Variants in CCSER1 observed in about 807,000 individuals in gnomAD.
CCSER1 encodes the protein serine-rich coiled-coil domain-containing protein 1.
CCSER1 carries 41 observed loss-of-function variants against 82.0 expected under a neutral mutation model. That is an observed-to-expected ratio of 0.50 (90% CI 0.39 to 0.65). The LOEUF (loss-of-function observed/expected upper bound fraction) is 0.65. CCSER1 is among the 30% of genes least tolerant of loss of function. The pLI, the probability that CCSER1 is intolerant of heterozygous loss-of-function variation, is 0.00. For missense variants in CCSER1, 1,119 were observed against 1,064.2 expected, an observed-to-expected ratio of 1.05 and a Z score of -0.72; for synonymous variants, 414 against 383.9, an observed-to-expected ratio of 1.08 and a Z score of -0.92.
At chr4:91,411,817 T>C (rs1314573356) in intron 10 of CCSER1, among the ~76,000 whole-genome samples, 1 of 150,938 alleles carries the variant, frequency 6.6e-6, no homozygotes, top group Non-Finnish European at 1.5e-5. Flanking sequence ...CCTCTGGTGT[T>C]ATGCCTATAA....
At chr4:90,974,342 A>T (rs1342370927) in intron 9 of CCSER1, among the ~76,000 whole-genome samples, 1 of 145,414 alleles carries the variant, frequency 6.9e-6, no homozygotes, top group Non-Finnish European at 1.5e-5. Context: ...TTGTATACAT[A>T]TCTCAAAACA....
intron 1 of CCSER1, among the ~76,000 whole-genome samples, chr4:90,251,800 T>G (rs1425936694): frequency 6.6e-6 from 1 of 151,880 alleles, no homozygotes; most frequent in Non-Finnish European, 1.5e-5. Flanking sequence ...TTCATAGTAT[T>G]CCTTTTAATT....
At chr4:90,162,130 A>G (rs1000534000) in intron 1 of CCSER1, among the ~76,000 whole-genome samples, 3 of 152,076 alleles carry the variant, frequency 2.0e-5, no homozygotes, top group African/African-American at 7.2e-5. Flanking sequence ...AGTATGAACC[A>G]GTTTCTCTCA....
chr4:90,974,028 A>T (rs904284417), intron 9 of CCSER1, among the ~76,000 whole-genome samples: 17 of 151,666 alleles, frequency 1.1e-4, no homozygotes, highest in Non-Finnish European at 2.2e-4. Context: ...ATAAAAGCAG[A>T]AAGTAGAATG....
chr4:90,853,888 A>G (rs1007045642), intron 8 of CCSER1, among the ~76,000 whole-genome samples: 3 of 152,144 alleles, frequency 2.0e-5, no homozygotes, highest in Non-Finnish European at 2.9e-5. Flanking sequence ...GTGTAACAAT[A>G]AACCATGGGA....
chr4:90,720,622 A>G (rs918973801), intron 6 of CCSER1, among the ~76,000 whole-genome samples: 3 of 152,068 alleles, frequency 2.0e-5, no homozygotes, highest in African/African-American at 4.8e-5. Context: ...CCTAAATTTT[A>G]TATTGTTAGA....
intron 5 of CCSER1, among the ~76,000 whole-genome samples, chr4:90,548,954 T>C (rs905773814): frequency 2.0e-5 from 3 of 152,036 alleles, no homozygotes; most frequent in African/African-American, 7.2e-5. Context: ...GTTGGTTTGT[T>C]CTGGAAACCA....
chr4:90,528,514 C>CAGTTTTAGA (rs1311039820), intron 5 of CCSER1, among the ~76,000 whole-genome samples: 1 of 152,194 alleles, frequency 6.6e-6, no homozygotes, highest in Non-Finnish European at 1.5e-5. Flanking sequence ...TTTAGCAATG[C>CAGTTTTAGA]AGTTTTAGAA....
At chr4:90,171,618 C>G (rs1731688172) in intron 1 of CCSER1, among the ~76,000 whole-genome samples, 1 of 151,862 alleles carries the variant, frequency 6.6e-6, no homozygotes, top group South Asian at 2.1e-4. Flanking sequence ...CCCTTGAAGT[C>G]AGTTATAATT....
At chr4:91,101,154 G>A (rs532715002) in intron 10 of CCSER1, among the ~76,000 whole-genome samples, 3 of 152,248 alleles carry the variant, frequency 2.0e-5, no homozygotes, top group South Asian at 2.1e-4. Context: ...ACATAGACAC[G>A]CACATGCATA....
At chr4:90,715,025 T>C (rs1741364979) in intron 6 of CCSER1, among the ~76,000 whole-genome samples, 1 of 151,990 alleles carries the variant, frequency 6.6e-6, no homozygotes, top group Non-Finnish European at 1.5e-5. Context: ...ATATTTACCA[T>C]AACTTGATGT....
At chr4:90,744,755 C>T (rs1174130361) in intron 7 of CCSER1, among the ~76,000 whole-genome samples, 3 of 151,980 alleles carry the variant, frequency 2.0e-5, no homozygotes, top group East Asian at 1.9e-4. Context: ...GTGAACTGCA[C>T]GTACAAGGGA....
In CCSER1 at chr4:90,896,235, C is replaced by T. The variant is rs576071569; in HGVS notation, c.2095-27135C>T. 7.2e-5 allele frequency among the ~76,000 whole-genome samples: 11 copies of T among 152,010 alleles called. No individual in the cohort carries two copies. In the South Asian group the frequency reaches 1.2e-3, roughly 17 times the overall value. ...GCACGAAGAAAAAATTAGAAGATGA[C>T]GAAGTTTGTTTATTCTATGCTGATA... is the stretch of plus-strand genomic sequence containing the variant. On this transcript the variant is annotated intron_variant, in intron 8 of 10. Transcript: ENST00000509176.
chr4:91,261,449 A>T (rs947344920), intron 10 of CCSER1, among the ~76,000 whole-genome samples: 1 of 152,196 alleles, frequency 6.6e-6, no homozygotes, highest in South Asian at 2.1e-4. Context: ...TAACTAGACT[A>T]GTTGTCAATA....
intron 10 of CCSER1, among the ~76,000 whole-genome samples, chr4:91,325,460 G>C (rs768406391): frequency 2.0e-5 from 3 of 152,148 alleles, no homozygotes; most frequent in Non-Finnish European, 2.9e-5. Context: ...ACAATCAAGA[G>C]AAGGAAGGGA....
chr4:90,189,005 T>A (rs546097575), intron 1 of CCSER1, among the ~76,000 whole-genome samples: 1 of 151,912 alleles, frequency 6.6e-6, no homozygotes, highest in African/African-American at 2.4e-5. Context: ...GTAGTTTCTT[T>A]ATATTTTTGC....
At chr4:90,888,844 A>G (rs1009442245) in intron 8 of CCSER1, among the ~76,000 whole-genome samples, 15 of 152,168 alleles carry the variant, frequency 9.9e-5, no homozygotes, top group Non-Finnish European at 5.9e-5. Flanking sequence ...TTAACTCTAT[A>G]TTGAGCAATT....
intron 5 of CCSER1, among the ~76,000 whole-genome samples, chr4:90,610,804 G>A (rs753514872): frequency 6.6e-6 from 1 of 152,042 alleles, no homozygotes; most frequent in Non-Finnish European, 1.5e-5. Flanking sequence ...AAGGCAGATC[G>A]ACCTTTATCT....
At chr4:90,554,104 T>C (rs1777843519) in intron 5 of CCSER1, among the ~76,000 whole-genome samples, 1 of 152,176 alleles carries the variant, frequency 6.6e-6, no homozygotes, top group African/African-American at 2.4e-5. Context: ...CTCACACCTA[T>C]AATCCCAGCA....
Sources: gnomAD v4.1 joint callset for allele counts (sites outside exome capture counted in the v4.1 genomes callset) on GRCh38, gnomAD v4.1.1 for gene constraint, MANE v1.5 for transcripts, NCBI Gene and HGNC (gene_info 2026-07-23, HGNC 2026-07-21) for gene names.